The following ZNF92 variants were observed in gnomAD, a reference collection of about 807,000 sequenced individuals.
ZNF92 encodes the protein epididymis luminal protein 203.
ZNF92 carries 11 observed loss-of-function variants against 12.4 expected under a neutral mutation model. The ratio of observed to expected loss-of-function variants is 0.89; its 90% CI spans 0.56 to 1.47. The LOEUF is 1.47. ZNF92 is among the 40% of genes most tolerant of loss of function. The pLI is 0.00. For synonymous variants in ZNF92, 206 were observed against 228.6 expected (o/e 0.90, Z 0.89); for missense variants, 622 against 681.0 (o/e 0.91, Z 0.96).
At position 65,399,617 on chromosome 7, in the gene ZNF92, A is replaced by T; in HGVS notation, c.1503A>T (p.Ile501=). 6.2e-7 allele frequency: 1 copy of T among 1,613,838 alleles called. No homozygotes were observed. Among genetic ancestry groups the T allele is most frequent in the South Asian group, 1.1e-5 (1 of 91,054 alleles). The part of the protein sequence containing the change: ...NQSSIFTKHK[I]IHTEGKSYKC... ...CCTCAATTTTTACTAAACATAAGAT[A>T]ATTCACACTGAAGGGAAATCCTACA... The change falls in exon 4 of 4, where the codon ATA becomes ATT. Residue 501 remains isoleucine (I), a synonymous_variant. Coordinates refer to ENST00000328747, the MANE Select transcript of ZNF92 (RefSeq NM_152626.4).
chr7:65,388,525 C>T (rs1242718124), intron 2 of ZNF92, among the ~76,000 whole-genome samples: 1 of 151,704 alleles, frequency 6.6e-6, no homozygotes, highest in Admixed American at 6.6e-5. Flanking sequence ...TGTAATCCAA[C>T]TACTCAGGAG....
At chr7:65,385,786 G>A (rs1217576650) in intron 1 of ZNF92, among the ~76,000 whole-genome samples, 2 of 151,992 alleles carry the variant, frequency 1.3e-5, no homozygotes, top group Non-Finnish European at 2.9e-5. Flanking sequence ...TAAGATTCAG[G>A]TGTAATTTCT....
chr7:65,397,234 CTCT>C (rs1793866842), intron 3 of ZNF92, among the ~76,000 whole-genome samples: 1 of 152,020 alleles, frequency 6.6e-6, no homozygotes, highest in Admixed American at 6.6e-5. Context: ...TCCCAAGACT[CTCT>C]TCTTGTCTGT....
intron 1 of ZNF92, among the ~76,000 whole-genome samples, chr7:65,385,239 AG>A (rs1270555988): frequency 6.6e-6 from 1 of 152,160 alleles, no homozygotes; most frequent in Non-Finnish European, 1.5e-5. Flanking sequence ...AAAATCACCA[AG>A]TGATTTATAA....
In ZNF92 at chr7:65,373,891, C is replaced by A; in HGVS notation, c.-107C>A. 6.6e-7 allele frequency: 1 copy of A among 1,510,818 alleles called. No individual in the cohort carries two copies. Among genetic ancestry groups the A allele is most frequent in the South Asian group, 1.1e-5 (1 of 88,776 alleles). 93.6% of individuals were successfully genotyped at this position (1,510,818 alleles called of 1,614,324 possible). On this transcript the variant is annotated 5_prime_UTR_variant, in exon 1 of 4. Transcript: ENST00000328747. ...CAGCCGGCGCTCCACGTCTAGTCTT[C>A]ACTGCTCTGCGTCCTGTGCTGATAA...
intron 1 of ZNF92, among the ~76,000 whole-genome samples, chr7:65,383,381 A>T (rs754841141): frequency 1.3e-5 from 2 of 152,172 alleles, no homozygotes; most frequent in Non-Finnish European, 2.9e-5. Flanking sequence ...TAGAATCTTC[A>T]CATGTCTGGC....
rs565217346 is a variant in ZNF92, at chr7:65,383,067, ATAAG to A, written c.4-4830_4-4827del. Among the ~76,000 whole-genome samples, 225 of 152,222 alleles carry A rather than the reference ATAAG, an allele frequency of 1.5e-3. 1 individual carries two copies. Among genetic ancestry groups the A allele is most frequent in the African/African-American group, 5.1e-3 (212 of 41,534 alleles). ...CAGTAATCAAGGTTGTTTTTAGTAA[ATAAG>A]TAAGATTTCCTGACAATTTTGTATC... On this transcript the variant is annotated intron_variant, in intron 1 of 3. Transcript: ENST00000328747.
At chr7:65,396,217 A>T (rs1213901883) in intron 3 of ZNF92, among the ~76,000 whole-genome samples, 3 of 152,066 alleles carry the variant, frequency 2.0e-5, no homozygotes, top group African/African-American at 7.2e-5. Flanking sequence ...TTTATATTTA[A>T]AATGATTTTT....
chr7:65,381,832 G>T (rs1397576470), intron 1 of ZNF92, among the ~76,000 whole-genome samples: 2 of 152,026 alleles, frequency 1.3e-5, no homozygotes, highest in Non-Finnish European at 2.9e-5. Context: ...TCAAAAATAC[G>T]ATGATTGTAG....
At chr7:65,380,947 A>G (rs979202674) in intron 1 of ZNF92, among the ~76,000 whole-genome samples, 1 of 151,948 alleles carries the variant, frequency 6.6e-6, no homozygotes, top group African/African-American at 2.4e-5. Flanking sequence ...GTTTGTTTGC[A>G]TCTCTCTAAT....
At chr7:65,381,415 AG>A (rs983071439) in intron 1 of ZNF92, among the ~76,000 whole-genome samples, 4 of 151,780 alleles carry the variant, frequency 2.6e-5, no homozygotes. Flanking sequence ...TCTGGATATT[AG>A]ACCTTTGTCA....
chr7:65,373,874 G>C lies in ZNF92; in HGVS notation c.-124G>C. 2 of 1,363,378 alleles carry C rather than the reference G, an allele frequency of 1.5e-6. No homozygotes were observed. Among genetic ancestry groups the C allele is most frequent in the Admixed American group, 3.4e-5 (2 of 58,630 alleles). 84.5% of individuals were successfully genotyped at this position (1,363,378 alleles called of 1,614,324 possible). The stretch of plus-strand genomic sequence containing the variant: ...GCCTTTGTCTCTCGCTGCAGCCGGC[G>C]CTCCACGTCTAGTCTTCACTGCTCT... On this transcript the variant is annotated 5_prime_UTR_variant, in exon 1 of 4. Coordinates refer to ENST00000328747, the MANE Select transcript of ZNF92 (RefSeq NM_152626.4).
intron 1 of ZNF92, among the ~76,000 whole-genome samples, chr7:65,376,985 G>A (rs1025806158): frequency 8.6e-5 from 13 of 151,972 alleles, no homozygotes; most frequent in Admixed American, 6.6e-5. Flanking sequence ...TGAGTTTCAC[G>A]CTAAATTTTA....
intron 1 of ZNF92, among the ~76,000 whole-genome samples, chr7:65,384,445 C>T (rs571657209): frequency 3.3e-5 from 5 of 152,156 alleles, no homozygotes; most frequent in South Asian, 4.1e-4. Context: ...GTGATGAATT[C>T]GGCTGCCTTT....
rs777274987 is a variant in ZNF92 at position 65,387,987 on chromosome 7, G to C, written c.89G>C (p.Arg30Thr). 27 of 1,609,054 alleles carry C rather than the reference G, an allele frequency of 1.7e-5. No homozygotes were observed. Among genetic ancestry groups the C allele is most frequent in the Admixed American group, 3.4e-5 (2 of 59,236 alleles). Residue 30 changes from arginine (R) to threonine (T), a missense_variant, in exon 2 of 4, where the codon AGA (arginine) becomes ACA (threonine). Transcript: ENST00000328747. The part of the protein sequence containing the change: ...CLDTAQRNLY[R>T]DVMLENYRNL... ...GACACTGCGCAGCGGAATTTATATA[G>C]AGATGTGATGTTAGAGAACTACAGA...
In ZNF92 at chr7:65,399,903, C is replaced by T; in HGVS notation, c.*28C>T. On this transcript the variant is annotated 3_prime_UTR_variant, in exon 4 of 4. Coordinates refer to ENST00000328747, the MANE Select transcript of ZNF92 (RefSeq NM_152626.4). ...GATGTGACAATGATTTTCACTACAC[C>T]TCAAACTTTTCTAAACATAAACCAT... 6.6e-7 allele frequency: 1 copy of T among 1,521,506 alleles called. No individual in the cohort carries two copies. Among genetic ancestry groups the T allele is most frequent in the Non-Finnish European group, 8.8e-7 (1 of 1,135,306 alleles). The allele number at this position is 1,521,506 out of a possible 1,614,324, so 94.3% of individuals were successfully genotyped here.
intron 1 of ZNF92, among the ~76,000 whole-genome samples, chr7:65,384,650 A>G (rs1465623297): frequency 6.6e-6 from 1 of 152,138 alleles, no homozygotes; most frequent in East Asian, 1.9e-4. Flanking sequence ...AAGTAAATAT[A>G]AACACAATAA....
chr7:65,391,526 G>A (rs370791322), intron 3 of ZNF92, among the ~76,000 whole-genome samples: 54 of 152,114 alleles, frequency 3.5e-4, no homozygotes, highest in African/African-American at 1.3e-3. Flanking sequence ...AGGCAAAAAG[G>A]AATAGTATTT....
In ZNF92 at chr7:65,398,623, A is replaced by G. The variant is rs1349095005; in HGVS notation, c.509A>G (p.Lys170Arg). Residue 170 changes from lysine (K) to arginine (R), a missense_variant, in exon 4 of 4, where the codon AAG (lysine) becomes AGG (arginine). Coordinates refer to ENST00000328747, the MANE Select transcript of ZNF92 (RefSeq NM_152626.4). Reference sequence around the variant, plus strand: ...AGAAATAAGATAAGACATACTGGAAAGAAACCTTTCAAATGTAAAAACCGT... The same window carrying G: ...AGAAATAAGATAAGACATACTGGAAGGAAACCTTTCAAATGTAAAAACCGT... ...VNRNKIRHTG[K>R]KPFKCKNRGK... is the part of the protein sequence containing the mutation. The G allele has an allele frequency of 1.2e-6, 2 of 1,611,996 alleles. No individual in the cohort carries two copies. Among genetic ancestry groups the G allele is most frequent in the Non-Finnish European group, 8.5e-7 (1 of 1,179,392 alleles).
Sources: allele counts gnomAD v4.1 joint callset (sites outside exome capture counted in the v4.1 genomes callset), GRCh38; gene constraint gnomAD v4.1.1; transcripts MANE v1.5; gene names NCBI Gene and HGNC (gene_info 2026-07-23, HGNC 2026-07-21).